PREX1: variants seen among roughly 807,000 people sequenced by gnomAD.
PREX1 encodes the protein phosphatidylinositol 3,4,5-trisphosphate-dependent Rac exchanger 1 protein.
Under a neutral mutation model 198.3 loss-of-function variants are expected in PREX1, and 41 were observed. The ratio of observed to expected loss-of-function variants is 0.21; its 90% CI spans 0.16 to 0.27. The LOEUF (loss-of-function observed/expected upper bound fraction) is 0.27. PREX1 is among the 10% of genes least tolerant of loss of function. The pLI is 1.00. For missense variants in PREX1, 1,620 were observed against 2,200.7 expected (o/e 0.74, Z 5.28); for synonymous variants, 843 against 887.2 (o/e 0.95, Z 0.89).
At chr20:48,851,045 A>T in the PREX1 span, among the ~76,000 whole-genome samples, 1 of 152,222 alleles carries the variant, frequency 6.6e-6, no homozygotes, top group Non-Finnish European at 1.5e-5. Flanking sequence ...TTCCATAAAT[A>T]AAGTTTTATT....
chr20:48,640,291 T>C (rs2089399473), intron 29 of PREX1, among the ~76,000 whole-genome samples: 1 of 152,124 alleles, frequency 6.6e-6, no homozygotes. Context: ...TCTATCCCTT[T>C]CCCTACACAG....
chr20:48,747,980 G>T, intron 1 of PREX1, 100 bp from the exon 2 acceptor site: 2 of 1,092,184 alleles, frequency 1.8e-6, no homozygotes, highest in Non-Finnish European at 1.4e-6. Context: ...ACTAGGATCT[G>T]GGAGGTACCA....
chr20:48,837,186 G>A, the PREX1 span, among the ~76,000 whole-genome samples: 1 of 152,186 alleles, frequency 6.6e-6, no homozygotes. Context: ...ATGCCCTGAG[G>A]TTGCGAAGAA....
chr20:48,709,109 C>G (rs1310265393), intron 5 of PREX1, among the ~76,000 whole-genome samples: 1 of 152,162 alleles, frequency 6.6e-6, no homozygotes, highest in Non-Finnish European at 1.5e-5. Flanking sequence ...ATCGAACATT[C>G]CAGCCAGTAA....
chr20:48,825,985 CT>C (rs2090507063), intron 1 of PREX1, among the ~76,000 whole-genome samples: 1 of 151,774 alleles, frequency 6.6e-6, no homozygotes, highest in South Asian at 2.1e-4. Flanking sequence ...GCACAACCCC[CT>C]CTCCCACATC....
intron 5 of PREX1, among the ~76,000 whole-genome samples, chr20:48,714,455 G>C (rs145392031): frequency 6.6e-6 from 1 of 152,264 alleles, no homozygotes; most frequent in East Asian, 1.9e-4. Context: ...AACAGGCATA[G>C]GACTTGAACA....
intron 1 of PREX1, 86 bp from the exon 2 acceptor site, chr20:48,747,966 G>A (rs2090117008): frequency 8.0e-7 from 1 of 1,247,126 alleles, no homozygotes; most frequent in Non-Finnish European, 1.1e-6. Context: ...AAGTTCAAAT[G>A]CCAACTAGGA....
Position 48,681,168 on chromosome 20 carries a change from G to A in PREX1, c.1435+67C>T. The A allele has an allele frequency of 1.8e-5, 24 of 1,342,952 alleles. 1 individual carries two copies. In the South Asian group the frequency reaches 2.2e-4, roughly 13 times the overall value. The allele number at this position is 1,342,952 out of a possible 1,614,324, so 83.2% of individuals were successfully genotyped here. The stretch of plus-strand genomic sequence containing the variant: ...ATAGGAGCTGCCTGAGCTAGTGGAA[G>A]CATGGCACAGTTGGGGTCTGACCTG... On this transcript the variant is annotated intron_variant, in intron 11 of 39. Transcript: ENST00000371941.
At chr20:48,693,544 G>A (rs1401163942) in intron 7 of PREX1, among the ~76,000 whole-genome samples, 1 of 152,118 alleles carries the variant, frequency 6.6e-6, no homozygotes, top group African/African-American at 2.4e-5. Context: ...CTTTCATCTT[G>A]GAGTCCACAG....
At chr20:48,847,385 C>CAAAAAAAAAAA in the PREX1 span, among the ~76,000 whole-genome samples, 1 of 122,194 alleles carries the variant, frequency 8.2e-6, no homozygotes, top group African/African-American at 3.2e-5. Context: ...AAAAAAAAAA[C>CAAAAAAAAAAA]AAACCCTCCC....
At chr20:48,730,172 T>C (rs1020304027) in intron 4 of PREX1, among the ~76,000 whole-genome samples, 2 of 152,040 alleles carry the variant, frequency 1.3e-5, no homozygotes, top group Admixed American at 6.5e-5. Context: ...TCTGTGGCAA[T>C]TGTCCCGGTC....
chr20:48,831,832 T>A (rs556458614), upstream of PREX1, among the ~76,000 whole-genome samples: 1 of 152,336 alleles, frequency 6.6e-6, no homozygotes, highest in South Asian at 2.1e-4. Flanking sequence ...GCCAGGGGCC[T>A]CAGCCTTGGC....
At chr20:48,783,097 G>A (rs1054971923) in intron 1 of PREX1, among the ~76,000 whole-genome samples, 1 of 152,148 alleles carries the variant, frequency 6.6e-6, no homozygotes, top group Non-Finnish European at 1.5e-5. Flanking sequence ...TCACCTCTCC[G>A]AACTTCAACA....
intron 1 of PREX1, among the ~76,000 whole-genome samples, chr20:48,804,435 G>A (rs546995368): frequency 5.1e-4 from 78 of 152,304 alleles, no homozygotes; most frequent in African/African-American, 1.9e-3. Context: ...ACCTGAAGAG[G>A]TCATGAGTGC....
chr20:48,758,238 G>A (rs1016082164), intron 1 of PREX1, among the ~76,000 whole-genome samples: 1 of 152,210 alleles, frequency 6.6e-6, no homozygotes, highest in Non-Finnish European at 1.5e-5. Flanking sequence ...AGGGAGTGAG[G>A]AGGCCAGGGA....
At chr20:48,780,391 G>A (rs1028521968) in intron 1 of PREX1, among the ~76,000 whole-genome samples, 4 of 152,122 alleles carry the variant, frequency 2.6e-5, no homozygotes, top group African/African-American at 4.8e-5. Flanking sequence ...GTCAAAGCAG[G>A]AGGACTGCTT....
chr20:48,650,173 G>A lies in PREX1; in HGVS notation c.2851C>T (p.Pro951Ser). Residue 951 changes from proline (P) to serine (S), a missense_variant, in exon 24 of 40, where the codon CCC becomes TCC. Physicochemically the swap from Pro to Ser is moderately conservative, Grantham distance 74. Coordinates refer to ENST00000371941, the MANE Select transcript of PREX1 (RefSeq NM_020820.4). ...GGCTCCAGGGGGGCTTGTTTGAAGGGTGGGCTGACCCTGCTCTTCAGTTGG... is the reference window on the plus strand; with the variant it reads ...GGCTCCAGGGGGGCTTGTTTGAAGGATGGGCTGACCCTGCTCTTCAGTTGG... ...AAQLKSRVSPPFKQAPLEPHP... is the reference protein window; with the variant it reads ...AAQLKSRVSPSFKQAPLEPHP... The A allele has an allele frequency of 6.2e-7, 1 of 1,613,628 alleles. No individual in the cohort carries two copies. Among genetic ancestry groups the A allele is most frequent in the Non-Finnish European group, 8.5e-7 (1 of 1,179,800 alleles).
intron 26 of PREX1, among the ~76,000 whole-genome samples, chr20:48,645,344 T>C (rs1186526659): frequency 2.0e-5 from 3 of 152,224 alleles, no homozygotes; most frequent in South Asian, 2.1e-4. Flanking sequence ...ACCCATTATA[T>C]GGCTTATTAC....
chr20:48,736,641 G>A (rs6125448), intron 3 of PREX1, among the ~76,000 whole-genome samples: 10,015 of 152,300 alleles, frequency 0.066, 443 homozygotes, highest in South Asian at 0.16. Context: ...TCACTCAGCC[G>A]TAGGTAAAAC....
Sources: allele counts gnomAD v4.1 joint callset (sites outside exome capture counted in the v4.1 genomes callset), GRCh38; gene constraint gnomAD v4.1.1; transcripts MANE v1.5; gene names NCBI Gene and HGNC (gene_info 2026-07-23, HGNC 2026-07-21).